Variants in DENND1A observed in about 807,000 individuals in gnomAD.
DENND1A encodes the protein DENN domain containing 1A, also known as DENN domain-containing protein 1A.
Under a neutral mutation model 113.7 loss-of-function variants are expected in DENND1A, and 51 were observed. The ratio of observed to expected loss-of-function variants is 0.45; its 90% CI spans 0.36 to 0.57. DENND1A has a LOEUF of 0.57. Among genes scored for constraint, DENND1A ranks in the 20% least tolerant of loss-of-function variants. The pLI, the probability that DENND1A is intolerant of heterozygous loss-of-function variation, is 0.00. For synonymous variants in DENND1A, 565 were observed against 570.8 expected, an observed-to-expected ratio of 0.99 and a Z score of 0.14; for missense variants, 1,258 against 1,395.9, an observed-to-expected ratio of 0.90 and a Z score of 1.57.
At chr9:123,785,820 C>T (rs1832071566) in intron 3 of DENND1A, among the ~76,000 whole-genome samples, 1 of 152,174 alleles carries the variant, frequency 6.6e-6, no homozygotes, top group African/African-American at 2.4e-5. Context: ...ATTACATTTC[C>T]ACCTACGTTT....
chr9:123,466,585 C>T (rs1228447560), intron 13 of DENND1A, among the ~76,000 whole-genome samples: 2 of 152,254 alleles, frequency 1.3e-5, no homozygotes, highest in South Asian at 2.1e-4. Context: ...GCGTGAGCCA[C>T]TGCACCTGGC....
intron 13 of DENND1A, among the ~76,000 whole-genome samples, chr9:123,461,741 G>T (rs553888512): frequency 6.6e-6 from 1 of 152,370 alleles, no homozygotes; most frequent in South Asian, 2.1e-4. Context: ...CACGGGAGGT[G>T]ATATCCCCCG....
chr9:123,485,418 T>C (rs949409007), intron 13 of DENND1A: 2 of 152,112 alleles, frequency 1.3e-5, no homozygotes, highest in Non-Finnish European at 2.9e-5. Flanking sequence ...ATGAGAGTAA[T>C]TAGGTGTAAA....
At chr9:123,805,275 G>A (rs1049893894) in intron 2 of DENND1A, among the ~76,000 whole-genome samples, 1 of 151,974 alleles carries the variant, frequency 6.6e-6, no homozygotes, top group African/African-American at 2.4e-5. Flanking sequence ...TACAGGTAGA[G>A]TAGCTTCTCT....
chr9:123,534,943 A>G (rs140620198), intron 13 of DENND1A, among the ~76,000 whole-genome samples: 2 of 152,292 alleles, frequency 1.3e-5, no homozygotes, highest in East Asian at 3.9e-4. Context: ...TTTAGGACCA[A>G]GGTGCTACCT....
chr9:123,773,642 A>G (rs1288155823), intron 3 of DENND1A, among the ~76,000 whole-genome samples: 1 of 152,202 alleles, frequency 6.6e-6, no homozygotes, highest in Non-Finnish European at 1.5e-5. Context: ...AACGACCAAC[A>G]TTCCAGATGT....
At chr9:123,896,088 A>G (rs1850706722) in intron 1 of DENND1A, among the ~76,000 whole-genome samples, 1 of 152,122 alleles carries the variant, frequency 6.6e-6, no homozygotes, top group Non-Finnish European at 1.5e-5. Context: ...AGCTGAGCCC[A>G]GGAATATGAG....
At chr9:123,491,786 T>C (rs2051396563) in intron 13 of DENND1A, 1 of 152,300 alleles carries the variant, frequency 6.6e-6, no homozygotes, top group African/African-American at 2.4e-5. Flanking sequence ...TCTACCTGAA[T>C]GTGCTGTGTC....
At chr9:123,520,559 G>A (rs1273807917) in intron 13 of DENND1A, among the ~76,000 whole-genome samples, 6 of 152,266 alleles carry the variant, frequency 3.9e-5, no homozygotes, top group Non-Finnish European at 8.8e-5. Flanking sequence ...CTGCCTGATG[G>A]CATGTAGGCT....
At chr9:123,768,315 T>C (rs1829163795) in intron 4 of DENND1A, among the ~76,000 whole-genome samples, 1 of 152,212 alleles carries the variant, frequency 6.6e-6, no homozygotes, top group Admixed American at 6.5e-5. Context: ...TTAGTACCTT[T>C]TAAACTCCTT....
chr9:123,641,554 C>T (rs900523428), intron 9 of DENND1A, among the ~76,000 whole-genome samples: 1 of 152,054 alleles, frequency 6.6e-6, no homozygotes, highest in Admixed American at 6.5e-5. Context: ...TTATACTCAG[C>T]TATGGTCCTT....
rs555731367 is a variant in DENND1A, at chr9:123,845,670, C to CAAAAAAAAAAAA, written c.88+33269_88+33280dup. On this transcript the variant is annotated intron_variant, in intron 2 of 23. Coordinates refer to ENST00000394215, the MANE Select transcript of DENND1A (RefSeq NM_001352964.2). ...GGGTGACCAAGTGAGAACCTGTCTC[C>CAAAAAAAAAAAA]AAAAAAAAAAAAAAAAAAAAAAAAA... Among the ~76,000 whole-genome samples, 104 of 44,072 alleles carry CAAAAAAAAAAAA rather than the reference C, an allele frequency of 2.4e-3. 1 individual carries two copies. The highest frequency in any genetic ancestry group is 5.1e-3 in the African/African-American group (66 of 12,906). 28.9% of individuals were successfully genotyped at this position (44,072 alleles called of 152,430 possible).
chr9:123,430,519 G>A (rs957183643), intron 19 of DENND1A, among the ~76,000 whole-genome samples: 11 of 152,166 alleles, frequency 7.2e-5, no homozygotes, highest in South Asian at 4.1e-4. Flanking sequence ...CATGTCCTTC[G>A]CAGGGACATG....
intron 2 of DENND1A, among the ~76,000 whole-genome samples, chr9:123,849,280 C>T (rs1843019489): frequency 6.6e-6 from 1 of 152,162 alleles, no homozygotes; most frequent in Admixed American, 6.5e-5. Flanking sequence ...TGCTCATCGA[C>T]CATTCTGAAA....
chr9:123,660,563 GAAAA>G (rs140642675), intron 8 of DENND1A, among the ~76,000 whole-genome samples: 176 of 150,146 alleles, frequency 1.2e-3, no homozygotes, highest in African/African-American at 4.2e-3. Context: ...ATTCTTAAAA[GAAAA>G]AAAAAATTTT....
At chr9:123,553,284 T>C (rs2057220089) in intron 13 of DENND1A, among the ~76,000 whole-genome samples, 1 of 151,380 alleles carries the variant, frequency 6.6e-6, no homozygotes, top group Non-Finnish European at 1.5e-5. Context: ...AGTAAAATAA[T>C]TTTTTTTTAA....
chr9:123,469,652 A>G (rs1402294538), intron 13 of DENND1A, among the ~76,000 whole-genome samples: 1 of 152,248 alleles, frequency 6.6e-6, no homozygotes, highest in Admixed American at 6.5e-5. Context: ...TTTTCTTCCC[A>G]TAAGAAATGC....
intron 20 of DENND1A, chr9:123,411,230 A>G (rs1010050866): frequency 1.3e-5 from 2 of 152,140 alleles, no homozygotes; most frequent in African/African-American, 4.8e-5. Context: ...AGTAGCTAGG[A>G]CTACAGGCAT....
At chr9:123,443,494 G>A (rs1363219545) in intron 18 of DENND1A, among the ~76,000 whole-genome samples, 1 of 152,354 alleles carries the variant, frequency 6.6e-6, no homozygotes, top group East Asian at 1.9e-4. Flanking sequence ...AAGCAGTGCT[G>A]CACCTTCATT....
Sources: gnomAD v4.1 joint callset for allele counts (sites outside exome capture counted in the v4.1 genomes callset) on GRCh38, gnomAD v4.1.1 for gene constraint, MANE v1.5 for transcripts, NCBI Gene and HGNC (gene_info 2026-07-23, HGNC 2026-07-21) for gene names.